MTBP: variants seen among roughly 807,000 people sequenced by gnomAD.
MTBP encodes the protein MDM2 binding protein, also known as mdm2-binding protein.
A neutral mutation model predicts 117.0 loss-of-function variants in MTBP; 101 were observed. The ratio of observed to expected loss-of-function variants is 0.86; its 90% CI spans 0.73 to 1.02. The LOEUF (loss-of-function observed/expected upper bound fraction) is 1.02, where lower values mean the gene tolerates loss of function less well. Ranked by LOEUF, MTBP falls within the 50% of genes least tolerant of loss-of-function variation. MTBP has a pLI of 0.00. For missense variants in MTBP, 970 were observed against 1,030.9 expected (o/e 0.94, Z 0.81); for synonymous variants, 350 against 351.5 (o/e 1.00, Z 0.05).
intron 5 of MTBP, among the ~76,000 whole-genome samples, chr8:120,454,472 A>C (rs1813427432): frequency 6.6e-6 from 1 of 152,034 alleles, no homozygotes; most frequent in African/African-American, 2.4e-5. Flanking sequence ...GTGTTAATCA[A>C]GTAGCTGTCA....
rs750228660 is a variant in MTBP, at chr8:120,506,860, G to C, written c.1882G>C (p.Gly628Arg). The C allele has an allele frequency of 6.3e-7, 1 of 1,595,994 alleles. No homozygotes were observed. The highest frequency in any genetic ancestry group is 8.5e-7 in the Non-Finnish European group (1 of 1,174,572). Residue 628 changes from glycine (G) to arginine (R), a missense_variant and splice_region_variant, in exon 16 of 22, where the codon GGG becomes CGG. Gly to Arg is a moderately radical substitution (Grantham distance 125, BLOSUM62 -2). Coordinates refer to ENST00000305949, the MANE Select transcript of MTBP (RefSeq NM_022045.5). ...GDLQPLPIQK[G>R]EKTFVLTPEL... ...TCTTCAACCTTTACCGATTCAAAAG[G>C]GGTAGGTTATAAACTTATAATTTCC...
chr8:120,497,948 T>G (rs1006194360), intron 14 of MTBP, among the ~76,000 whole-genome samples: 1 of 152,184 alleles, frequency 6.6e-6, no homozygotes, highest in African/African-American at 2.4e-5. Context: ...TATGATAAGA[T>G]GATGCATATT....
intron 17 of MTBP, among the ~76,000 whole-genome samples, chr8:120,512,877 A>T (rs1445222993): frequency 1.3e-5 from 2 of 152,122 alleles, no homozygotes; most frequent in African/African-American, 4.8e-5. Context: ...TATGGTGTAG[A>T]AACAAAGTCA....
chr8:120,487,748 A>G (rs1217427067), intron 11 of MTBP, among the ~76,000 whole-genome samples: 2 of 152,244 alleles, frequency 1.3e-5, no homozygotes, highest in Non-Finnish European at 2.9e-5. Flanking sequence ...CAAAAAGGGC[A>G]AGAAGCGAAA....
chr8:120,493,474 G>A (rs1354176751), intron 13 of MTBP, among the ~76,000 whole-genome samples: 1 of 149,750 alleles, frequency 6.7e-6, no homozygotes, highest in Admixed American at 6.6e-5. Flanking sequence ...GTGTATGTGT[G>A]TGTGGGGGTG....
Position 120,523,459 on chromosome 8 carries a change from C to A in MTBP, c.*123C>A. The A allele has an allele frequency of 1.9e-6, 1 of 516,936 alleles. No homozygotes were observed. The allele number at this position is 516,936 out of a possible 1,614,324, so 32.0% of individuals were successfully genotyped here. The stretch of plus-strand genomic sequence containing the variant: ...TATTCAAAGAATAGATGTTATATTT[C>A]TAAAGAATTTCATGAATATATATTC... On this transcript the variant is annotated 3_prime_UTR_variant, in exon 22 of 22. Transcript: ENST00000305949.
intron 11 of MTBP, among the ~76,000 whole-genome samples, chr8:120,486,651 T>C (rs998894307): frequency 1.3e-5 from 2 of 152,134 alleles, no homozygotes; most frequent in African/African-American, 4.8e-5. Flanking sequence ...TAACCCTTTA[T>C]TGGAAGCCGA....
At chr8:120,517,203 C>T (rs1211401869) in intron 18 of MTBP, among the ~76,000 whole-genome samples, 1 of 151,910 alleles carries the variant, frequency 6.6e-6, no homozygotes, top group Non-Finnish European at 1.5e-5. Flanking sequence ...GAAGTATGAA[C>T]CAGTTTTATA....
At chr8:120,506,665 G>A in intron 15 of MTBP, 41 bp from the exon 16 acceptor site, 1 of 1,330,920 alleles carries the variant, frequency 7.5e-7, no homozygotes, top group Non-Finnish European at 1.0e-6. Flanking sequence ...TCTCTGGATT[G>A]AATCCACTTT....
chr8:120,483,401 A>G (rs1214775265), intron 11 of MTBP, among the ~76,000 whole-genome samples: 1 of 152,180 alleles, frequency 6.6e-6, no homozygotes, highest in African/African-American at 2.4e-5. Flanking sequence ...ATGAACATAT[A>G]TAATAACTAT....
At chr8:120,470,355 A>T (rs1266150290) in intron 10 of MTBP, among the ~76,000 whole-genome samples, 1 of 152,202 alleles carries the variant, frequency 6.6e-6, no homozygotes, top group Admixed American at 6.5e-5. Context: ...TCCAGGAACA[A>T]AGTTTCTGAG....
intron 11 of MTBP, among the ~76,000 whole-genome samples, chr8:120,485,836 T>G (rs995242144): frequency 6.6e-6 from 1 of 152,206 alleles, no homozygotes; most frequent in Non-Finnish European, 1.5e-5. Context: ...TTTAATGAAG[T>G]CTGTTTGACT....
intron 10 of MTBP, 21 bp downstream of exon 10, chr8:120,463,782 G>T (rs772469499): frequency 5.0e-6 from 8 of 1,603,012 alleles, no homozygotes; most frequent in African/African-American, 2.7e-5. Context: ...TTTCTTGGGG[G>T]TTTTTTGTTT....
rs76312318 is a variant in MTBP, at chr8:120,518,079, A to C, written c.2475A>C (p.Ser825=). ...ESKTSRQIKE[S]RSQKHTRILK... is the part of the protein sequence containing the mutation. ...AAACATCAAGGCAAATTAAGGAATC[A>C]AGATCACAGAAACACACACGGGTAA... Residue 825 remains serine (S), a synonymous_variant, in exon 19 of 22, where the codon TCA becomes TCC. Coordinates refer to ENST00000305949, the MANE Select transcript of MTBP (RefSeq NM_022045.5). 1.1e-4 allele frequency: 178 copies of C among 1,612,494 alleles called. No individual in the cohort carries two copies. In the East Asian group the frequency reaches 3.9e-3, roughly 35 times the overall value.
At chr8:120,485,143 A>T (rs1277109882) in intron 11 of MTBP, among the ~76,000 whole-genome samples, 2 of 152,184 alleles carry the variant, frequency 1.3e-5, no homozygotes, top group African/African-American at 4.8e-5. Context: ...CAGGCTTAAA[A>T]TTATTTTCAG....
In MTBP at chr8:120,516,209, C is replaced by T. The variant is rs10096885; in HGVS notation, c.2246+18C>T. On this transcript the variant is annotated intron_variant, in intron 18 of 21. Coordinates refer to ENST00000305949, the MANE Select transcript of MTBP (RefSeq NM_022045.5). ...AGAAAAAGGTGATATATTACATGCACATAAATAGTATATTGACAGAAAGTA... is the reference window on the plus strand; with the variant it reads ...AGAAAAAGGTGATATATTACATGCATATAAATAGTATATTGACAGAAAGTA... 0.029 allele frequency: 45,872 copies of T among 1,576,076 alleles called. 1,433 individuals carry two copies. Among genetic ancestry groups the T allele is most frequent in the African/African-American group, 0.16 (11,893 of 73,646 alleles).
At chr8:120,449,845 AT>A (rs1563782020) in intron 2 of MTBP, among the ~76,000 whole-genome samples, 1 of 152,196 alleles carries the variant, frequency 6.6e-6, no homozygotes, top group Admixed American at 6.5e-5. Context: ...CAAGTCAGTT[AT>A]TGGTGACTTT....
chr8:120,448,015 C>T (rs1586933898), intron 2 of MTBP, among the ~76,000 whole-genome samples: 2 of 152,072 alleles, frequency 1.3e-5, no homozygotes, highest in East Asian at 1.9e-4. Flanking sequence ...CAGCCTCAAC[C>T]TCCCCGGCTC....
chr8:120,509,580 C>T (rs535757327), intron 16 of MTBP, among the ~76,000 whole-genome samples: 17 of 152,126 alleles, frequency 1.1e-4, no homozygotes, highest in African/African-American at 3.1e-4. Flanking sequence ...CCAGCCTGGA[C>T]GACAGAGTGA....
Sources: gnomAD v4.1 joint callset for allele counts (sites outside exome capture counted in the v4.1 genomes callset) on GRCh38, gnomAD v4.1.1 for gene constraint, MANE v1.5 for transcripts, NCBI Gene and HGNC (gene_info 2026-07-23, HGNC 2026-07-21) for gene names.